The following KLHL15 variants were observed in gnomAD, a reference collection of about 807,000 sequenced individuals.
The protein encoded by KLHL15 is kelch-like protein 15.
Under a neutral mutation model 29.3 loss-of-function variants are expected in KLHL15, and 1 was observed. That is an observed-to-expected ratio of 0.03 (90% CI 0.01 to 0.16). The LOEUF is 0.16. KLHL15 is among the 10% of genes least tolerant of loss of function. The pLI is 1.00. For synonymous variants in KLHL15, 212 were observed against 184.5 expected (o/e 1.15, Z -1.21); for missense variants, 215 against 478.5 (o/e 0.45, Z 5.14).
At chrX:23,995,385 C>G (rs1484955401) in intron 3 of KLHL15, among the ~76,000 whole-genome samples, 2 of 78,332 alleles carry the variant, frequency 2.6e-5, no homozygotes, top group Admixed American at 3.8e-4. Flanking sequence ...CCAGCCTGGG[C>G]AACAGAGCGA....
chrX:24,024,931 G>T lies in KLHL15; in HGVS notation c.-82C>A, dbSNP rs1378466547. On this transcript the variant is annotated 5_prime_UTR_variant, in exon 2 of 4. Transcript: ENST00000328046. ...GAACCGGGCCAGCGGGCCGATGGGT[G>T]GGCGGTCGGGCGCCGGGACGGCACT... 3.4e-6 allele frequency: 1 copy of T among 297,162 alleles called. No individual in the cohort carries two copies. Among genetic ancestry groups the T allele is most frequent in the African/African-American group, 2.7e-5 (1 of 36,926 alleles). 24.5% of individuals were successfully genotyped at this position (297,162 alleles called of 1,213,427 possible). A position where few individuals can be genotyped will look rare whatever the true frequency, so the allele number is the denominator to read the frequency against.
chrX:23,984,761 G>A lies in KLHL15; in HGVS notation c.*3160C>T. 8.9e-6 allele frequency: 1 copy of A among 112,053 alleles called. No homozygotes were observed. Among genetic ancestry groups the A allele is most frequent in the East Asian group, 2.8e-4 (1 of 3,618 alleles). 9.2% of individuals were successfully genotyped at this position (112,053 alleles called of 1,213,427 possible). A position where few individuals can be genotyped will look rare whatever the true frequency, so the allele number is the denominator to read the frequency against. ...TTAAAGCTTAGTTTCATGTAATTAAGACAAAACTCCATTTTTACCACTTCT... is the reference window on the plus strand; with the variant it reads ...TTAAAGCTTAGTTTCATGTAATTAAAACAAAACTCCATTTTTACCACTTCT... On this transcript the variant is annotated 3_prime_UTR_variant, in exon 4 of 4. Transcript: ENST00000328046.
intron 3 of KLHL15, among the ~76,000 whole-genome samples, chrX:23,996,577 C>T (rs1194578212): frequency 2.7e-5 from 3 of 111,243 alleles, no homozygotes; most frequent in African/African-American, 6.5e-5. Context: ...GTAGGAGAAT[C>T]GCTTGATCCC....
intron 2 of KLHL15, among the ~76,000 whole-genome samples, chrX:24,023,705 G>A (rs1266728241): frequency 1.8e-5 from 2 of 112,123 alleles, no homozygotes; most frequent in African/African-American, 6.5e-5. Context: ...GCAATGAAGA[G>A]TGCAAGTTAA....
chrX:24,023,169 G>C (rs914592634), intron 2 of KLHL15, among the ~76,000 whole-genome samples: 2 of 111,863 alleles, frequency 1.8e-5, no homozygotes, highest in African/African-American at 6.5e-5. Flanking sequence ...TAAACCAAGT[G>C]TGGGGCCCTT....
intron 3 of KLHL15, among the ~76,000 whole-genome samples, chrX:23,998,161 C>T (rs1301276559): frequency 1.8e-5 from 2 of 110,779 alleles, no homozygotes; most frequent in Non-Finnish European, 3.8e-5. Context: ...TGAGGTTTCG[C>T]CATGTTGGTC....
chrX:24,008,331 C>A lies in KLHL15; in HGVS notation c.-7-1631G>T, dbSNP rs949841587. 6.3e-5 allele frequency among the ~76,000 whole-genome samples: 7 copies of A among 111,889 alleles called. No homozygotes were observed. In the South Asian group the frequency reaches 2.6e-3, roughly 41 times the overall value. ...TCTCGGCTCACTACAACCTCCGCCT[C>A]CCGGGTTCAAGCGATTCTTGTGCCT... On this transcript the variant is annotated intron_variant, in intron 2 of 3. Transcript: ENST00000328046.
Position 23,985,944 on chromosome X carries a change from A to G in KLHL15, c.*1977T>C, listed in dbSNP as rs1928977416. 1 of 97,824 alleles carries G rather than the reference A, an allele frequency of 1.0e-5. No homozygotes were observed. Among genetic ancestry groups the G allele is most frequent in the Non-Finnish European group, 2.0e-5 (1 of 49,831 alleles). The allele number at this position is 97,824 out of a possible 1,213,427, so 8.1% of individuals were successfully genotyped here. A position where few individuals can be genotyped will look rare whatever the true frequency, so the allele number is the denominator to read the frequency against. Reference sequence around the variant, plus strand: ...CAAAAATAAAATAATGTATTTTTTAAATGTAGAAAAAGACTTTTACCCATA... The same window carrying G: ...CAAAAATAAAATAATGTATTTTTTAGATGTAGAAAAAGACTTTTACCCATA... On this transcript the variant is annotated 3_prime_UTR_variant, in exon 4 of 4. Coordinates refer to ENST00000328046, the MANE Select transcript of KLHL15 (RefSeq NM_030624.3).
chrX:23,989,320 G>T (rs1197688725), intron 3 of KLHL15, among the ~76,000 whole-genome samples: 1 of 109,197 alleles, frequency 9.2e-6, no homozygotes, highest in East Asian at 2.9e-4. Context: ...CTCCTGAGGC[G>T]CCTGCCACCA....
intron 1 of KLHL15, among the ~76,000 whole-genome samples, chrX:24,025,815 A>G (rs1420263687): frequency 1.8e-5 from 2 of 109,979 alleles, no homozygotes; most frequent in Admixed American, 9.4e-5. Flanking sequence ...ACCGAGGAAA[A>G]CAGGCGGCCG....
chrX:24,024,693 T>C (rs765877949), intron 2 of KLHL15, among the ~76,000 whole-genome samples, 164 bp downstream of exon 2: 20 of 113,279 alleles, frequency 1.8e-4, no homozygotes, highest in Non-Finnish European at 3.2e-4. Context: ...AAAAAAAAAT[T>C]ACATTTCAAA....
chrX:24,004,532 C>T (rs1929404771), intron 3 of KLHL15, among the ~76,000 whole-genome samples: 1 of 111,581 alleles, frequency 9.0e-6, no homozygotes, highest in Non-Finnish European at 1.9e-5. Flanking sequence ...GTGGCTCACG[C>T]CTGTAATCCC....
chrX:24,004,249 G>A (rs144951247), intron 3 of KLHL15, among the ~76,000 whole-genome samples: 1,189 of 111,133 alleles, frequency 0.011, 20 homozygotes, highest in African/African-American at 0.036. Flanking sequence ...CCAGCTACTC[G>A]GGAGGCTGAG....
chrX:23,996,623 G>A (rs140161503), intron 3 of KLHL15, among the ~76,000 whole-genome samples: 3,712 of 111,169 alleles, frequency 0.033, 71 homozygotes, highest in Admixed American at 0.088. Context: ...AGATCGCACC[G>A]CTGCACTCCA....
At chrX:23,991,383 G>A (rs941787866) in intron 3 of KLHL15, among the ~76,000 whole-genome samples, 2 of 107,938 alleles carry the variant, frequency 1.9e-5, no homozygotes, top group African/African-American at 6.8e-5. Flanking sequence ...CCCAGGTGTG[G>A]TGGTGCATGC....
In KLHL15 at chrX:23,986,304, AAAACAAAAAACACC is replaced by A. The variant is rs1928984828; in HGVS notation, c.*1603_*1616del. 9.2e-6 allele frequency: 1 copy of A among 108,231 alleles called. No homozygotes were observed. The allele number at this position is 108,231 out of a possible 1,213,427, so 8.9% of individuals were successfully genotyped here. A position where few individuals can be genotyped will look rare whatever the true frequency, so the allele number is the denominator to read the frequency against. ...GCAAAAAAACAAACAAACAAACAAA[AAAACAAAAAACACC>A]AAACAAAGTGAAACTAGAAAATTTA... is the stretch of plus-strand genomic sequence containing the variant. On this transcript the variant is annotated 3_prime_UTR_variant, in exon 4 of 4. Coordinates refer to ENST00000328046, the MANE Select transcript of KLHL15 (RefSeq NM_030624.3).
At chrX:24,017,989 C>A (rs781256943) in intron 2 of KLHL15, among the ~76,000 whole-genome samples, 1 of 109,899 alleles carries the variant, frequency 9.1e-6, no homozygotes, top group Admixed American at 9.9e-5. Context: ...CCTGTGGCCC[C>A]AGCTACTTGG....
At chrX:24,014,968 A>C (rs1232413356) in intron 2 of KLHL15, among the ~76,000 whole-genome samples, 1 of 112,375 alleles carries the variant, frequency 8.9e-6, no homozygotes, top group African/African-American at 3.2e-5. Context: ...AGAGAAAGGC[A>C]GTCAACTGAG....
At chrX:24,000,254 G>T (rs1330177452) in intron 3 of KLHL15, among the ~76,000 whole-genome samples, 1 of 111,424 alleles carries the variant, frequency 9.0e-6, no homozygotes, top group Non-Finnish European at 1.9e-5. Flanking sequence ...GGGAGGCTGA[G>T]GCAGGCAGAT....
Sources: gnomAD v4.1 joint callset for allele counts (sites outside exome capture counted in the v4.1 genomes callset) on GRCh38, gnomAD v4.1.1 for gene constraint, MANE v1.5 for transcripts, NCBI Gene and HGNC (gene_info 2026-07-23, HGNC 2026-07-21) for gene names.